Variants in ZC3H12D observed in about 807,000 individuals in gnomAD.
ZC3H12D encodes the protein probable ribonuclease ZC3H12D.
ZC3H12D carries 11 observed loss-of-function variants against 24.2 expected under a neutral mutation model. The ratio of observed to expected loss-of-function variants is 0.46; its 90% CI spans 0.29 to 0.75. The LOEUF (loss-of-function observed/expected upper bound fraction) is 0.75, where lower values mean the gene tolerates loss of function less well. Ranked by LOEUF, ZC3H12D falls within the 30% of genes least tolerant of loss-of-function variation. The pLI is 0.11. For missense variants in ZC3H12D, 740 were observed against 767.7 expected (o/e 0.96, Z 0.43); for synonymous variants, 333 against 341.8 (o/e 0.97, Z 0.28).
At chr6:149,466,318 C>T (rs937547311) in intron 2 of ZC3H12D, among the ~76,000 whole-genome samples, 1 of 151,380 alleles carries the variant, frequency 6.6e-6, no homozygotes, top group Non-Finnish European at 1.5e-5. Flanking sequence ...GAGCCTGAGT[C>T]GCCCAGGAGA....
At position 149,456,611 on chromosome 6, in the gene ZC3H12D, C is replaced by A. The variant is rs1775983445; in HGVS notation, c.680+55G>T. 4 of 1,147,808 alleles carry A rather than the reference C, an allele frequency of 3.5e-6. No individual in the cohort carries two copies. The highest frequency in any genetic ancestry group is 1.9e-5 in the Admixed American group (1 of 52,564). 71.1% of individuals were successfully genotyped at this position (1,147,808 alleles called of 1,614,324 possible). ...GTAGCAGGCGTGGCCACTGCCTCGA[C>A]CCCGGCCCCCCGCCCCGCCGCCCCC... On this transcript the variant is annotated intron_variant, in intron 4 of 5. Coordinates refer to ENST00000409806, the MANE Select transcript of ZC3H12D (RefSeq NM_207360.3). This position sits in a 1 kb window ranked among gnomAD's most constrained non-coding sequence, Gnocchi z 4.3.
intron 1 of ZC3H12D, 38 bp from the exon 2 acceptor site, chr6:149,474,651 G>C: frequency 9.3e-7 from 1 of 1,069,696 alleles, no homozygotes; most frequent in Non-Finnish European, 1.2e-6. Flanking sequence ...GGTGTTTCCT[G>C]GGCAGACTGG....
At chr6:149,451,891 G>T (rs388501) in intron 5 of ZC3H12D, among the ~76,000 whole-genome samples, 152,262 of 152,350 alleles carry the variant, frequency 1, 76,087 homozygotes, top group Middle Eastern at 1. Context: ...GCTCGGGGCA[G>T]AGGACTGCGC....
At chr6:149,457,057 C>T (rs1775996284) in intron 3 of ZC3H12D, among the ~76,000 whole-genome samples, 157 bp from the exon 4 acceptor site, 1 of 152,364 alleles carries the variant, frequency 6.6e-6, no homozygotes, top group African/African-American at 2.4e-5. Flanking sequence ...GCGTTCGCTC[C>T]TTTCACTCAA....
rs762500029 is a variant in ZC3H12D, at chr6:149,456,903, G to A, written c.446-3C>T. The A allele has an allele frequency of 6.3e-6, 10 of 1,594,942 alleles. No individual in the cohort carries two copies. The highest frequency in any genetic ancestry group is 1.3e-5 in the African/African-American group (1 of 74,778). ...CAGCTCCGCCAGCACGTGCTGCTCTGAGGGCGGGGCGACGGAGACGCGGGT... is the reference window on the plus strand; with the variant it reads ...CAGCTCCGCCAGCACGTGCTGCTCTAAGGGCGGGGCGACGGAGACGCGGGT... On this transcript the variant is annotated splice_region_variant and splice_polypyrimidine_tract_variant and intron_variant, in intron 3 of 5. Coordinates refer to ENST00000409806, the MANE Select transcript of ZC3H12D (RefSeq NM_207360.3). This position sits in a 1 kb window ranked among gnomAD's most constrained non-coding sequence, Gnocchi z 4.3.
intron 3 of ZC3H12D, among the ~76,000 whole-genome samples, chr6:149,460,020 C>T (rs778220773): frequency 4.6e-5 from 7 of 152,220 alleles, no homozygotes; most frequent in Non-Finnish European, 1.0e-4. Flanking sequence ...TCATAGCCAT[C>T]CTGACCTTGT....
At chr6:149,473,153 A>T (rs437208) in intron 2 of ZC3H12D, among the ~76,000 whole-genome samples, 33,972 of 78,306 alleles carry the variant, frequency 0.43, 5,182 homozygotes, top group East Asian at 0.77. Context: ...AAAAAAACTC[A>T]AAGTACACAC....
Position 149,451,477 on chromosome 6 carries a change from T to C in ZC3H12D, c.790A>G (p.Lys264Glu). 1 of 1,566,998 alleles carries C rather than the reference T, an allele frequency of 6.4e-7. No homozygotes were observed. The highest frequency in any genetic ancestry group is 8.6e-7 in the Non-Finnish European group (1 of 1,166,384). The change falls in exon 6 of 6, where the codon AAG becomes GAG. Residue 264 changes from lysine to glutamate, a missense_variant and splice_region_variant. Physicochemically the swap from Lys to Glu is moderately conservative, Grantham distance 56. Coordinates refer to ENST00000409806, the MANE Select transcript of ZC3H12D (RefSeq NM_207360.3). ...CACTTGATGCCATAGGTGCATTTCT[T>C]GCCTGAAAGGGGCGGGGGCAGAGAG... The part of the protein sequence containing the change: ...EPSWQHCPYG[K>E]KCTYGIKCKF...
Position 149,452,386 on chromosome 6 carries a change from G to A in ZC3H12D, c.787+230C>T, listed in dbSNP as rs527940281. The A allele has an allele frequency of 1.5e-5, 7 of 477,204 alleles. No homozygotes were observed. Among genetic ancestry groups the A allele is most frequent in the African/African-American group, 1.2e-4 (6 of 49,562 alleles). 29.6% of individuals were successfully genotyped at this position (477,204 alleles called of 1,614,324 possible). A position where few individuals can be genotyped will look rare whatever the true frequency, so the allele number is the denominator to read the frequency against. On this transcript the variant is annotated intron_variant, in intron 5 of 5. Coordinates refer to ENST00000409806, the MANE Select transcript of ZC3H12D (RefSeq NM_207360.3). The surrounding 1 kb of genome is among the most constrained non-coding windows in gnomAD (Gnocchi z 4.0). ...CAGCTTTGCTGTGTGCATGACCCCT[G>A]CATCCGACCCTGGCATGGGATCCTG...
At chr6:149,472,582 G>A (rs903220580) in intron 2 of ZC3H12D, among the ~76,000 whole-genome samples, 3 of 152,000 alleles carry the variant, frequency 2.0e-5, no homozygotes, top group Non-Finnish European at 4.4e-5. Flanking sequence ...ATGTACCCAC[G>A]ACACATTATG....
In ZC3H12D at chr6:149,474,341, T is replaced by G; in HGVS notation, c.203A>C (p.Asp68Ala). The change falls in exon 2 of 6, where the codon GAC becomes GCC. Residue 68 changes from aspartate to alanine, a missense_variant. Physicochemically the swap from Asp to Ala is moderately radical, Grantham distance 126. Coordinates refer to ENST00000409806, the MANE Select transcript of ZC3H12D (RefSeq NM_207360.3). ...LVPRGSCGVPDSAQRGPGTAL... is the reference protein window; with the variant it reads ...LVPRGSCGVPASAQRGPGTAL... Reference sequence around the variant, plus strand: ...TGTCCCCGGGCCACGCTGGGCAGAGTCCGGGACCCCACAGGAGCCCCGAGG... The same window carrying G: ...TGTCCCCGGGCCACGCTGGGCAGAGGCCGGGACCCCACAGGAGCCCCGAGG... The G allele has an allele frequency of 6.2e-7, 1 of 1,605,512 alleles. No homozygotes were observed. Among genetic ancestry groups the G allele is most frequent in the Non-Finnish European group, 8.5e-7 (1 of 1,174,222 alleles).
intron 4 of ZC3H12D, among the ~76,000 whole-genome samples, chr6:149,454,264 G>A (rs1367594340): frequency 6.6e-6 from 1 of 152,246 alleles, no homozygotes. Flanking sequence ...GCCCCTCGCT[G>A]AGTGAGGTCC....
Position 149,451,497 on chromosome 6 carries a change from A to G in ZC3H12D, c.788-18T>C. The G allele has an allele frequency of 6.4e-7, 1 of 1,553,606 alleles. No homozygotes were observed. The highest frequency in any genetic ancestry group is 8.6e-7 in the Non-Finnish European group (1 of 1,160,220). The stretch of plus-strand genomic sequence containing the variant: ...TTTCTTGCCTGAAAGGGGCGGGGGC[A>G]GAGAGGGCGCGACGTGAGGCCCGGG... On this transcript the variant is annotated intron_variant, in intron 5 of 5. Coordinates refer to ENST00000409806, the MANE Select transcript of ZC3H12D (RefSeq NM_207360.3).
rs2115012250 is a variant in ZC3H12D at position 149,474,499 on chromosome 6, A to G, written c.45T>C (p.Tyr15=). The change falls in exon 2 of 6, where the codon TAT becomes TAC. Residue 15 remains tyrosine, a synonymous_variant. Coordinates refer to ENST00000409806, the MANE Select transcript of ZC3H12D (RefSeq NM_207360.3). ...SKMEFFQKLG[Y]DREDVLRVLG... is the part of the protein sequence containing the mutation. ...ACACCCGGAGCACATCCTCCCGGTC[A>G]TAGCCCAGCTTCTGGAAGAATTCCA... 6.4e-7 allele frequency: 1 copy of G among 1,556,088 alleles called. No homozygotes were observed. The highest frequency in any genetic ancestry group is 1.2e-5 in the South Asian group (1 of 85,186).
rs1776295343 is a variant in ZC3H12D at position 149,474,317 on chromosome 6, GTC to G, written c.225_226del (p.Thr76SerfsTer19). Reference sequence around the variant, plus strand: ...GGTTCTGAAGTCCTCTTCCAGGGCTGTCCCCGGGCCACGCTGGGCAGAGTCCG... The same window carrying G: ...GGTTCTGAAGTCCTCTTCCAGGGCTGCCCGGGCCACGCTGGGCAGAGTCCG... On this transcript the variant is annotated frameshift_variant, in exon 2 of 6. Transcript: ENST00000409806. LOFTEE classifies it high-confidence loss of function. 6.3e-7 allele frequency: 1 copy of G among 1,592,978 alleles called. No individual in the cohort carries two copies. The highest frequency in any genetic ancestry group is 1.3e-5 in the African/African-American group (1 of 74,338).
At chr6:149,480,783 T>A (rs895743352) in intron 1 of ZC3H12D, among the ~76,000 whole-genome samples, 13 of 151,996 alleles carry the variant, frequency 8.6e-5, no homozygotes, top group African/African-American at 2.9e-4. Flanking sequence ...GAAGGTCTTA[T>A]CTTCCTTGGA....
chr6:149,474,790 G>A (rs1223801257), intron 1 of ZC3H12D, among the ~76,000 whole-genome samples, 177 bp from the exon 2 acceptor site: 2 of 152,226 alleles, frequency 1.3e-5, no homozygotes, highest in South Asian at 2.1e-4. Flanking sequence ...CAATCACGCT[G>A]CTTTCACAGT....
intron 2 of ZC3H12D, among the ~76,000 whole-genome samples, chr6:149,469,896 C>T (rs921561772): frequency 2.6e-5 from 4 of 152,138 alleles, no homozygotes; most frequent in Non-Finnish European, 4.4e-5. Context: ...GGGTCTCCTA[C>T]CCTGTGGTCC....
Position 149,452,518 on chromosome 6 carries a change from G to T in ZC3H12D, c.787+98C>A. 9.7e-7 allele frequency: 1 copy of T among 1,033,778 alleles called. No individual in the cohort carries two copies. The highest frequency in any genetic ancestry group is 1.3e-6 in the Non-Finnish European group (1 of 754,216). 64.0% of individuals were successfully genotyped at this position (1,033,778 alleles called of 1,614,324 possible). ...AGGGCAGAACTTGGGCAAGAGCCCA[G>T]GCCGCTGAGCACCAGGCCAGCGCTT... is the stretch of plus-strand genomic sequence containing the variant. On this transcript the variant is annotated intron_variant, in intron 5 of 5. Transcript: ENST00000409806. The surrounding 1 kb of genome is among the most constrained non-coding windows in gnomAD (Gnocchi z 4.0).
Sources: allele counts gnomAD v4.1 joint callset (sites outside exome capture counted in the v4.1 genomes callset), GRCh38; gene constraint gnomAD v4.1.1; non-coding constraint Gnocchi (gnomAD v3.1); transcripts MANE v1.5; gene names NCBI Gene and HGNC (gene_info 2026-07-23, HGNC 2026-07-21).